The following ALDH1A2 variants were observed in gnomAD, a reference collection of about 807,000 sequenced individuals.
ALDH1A2 encodes the protein retinal dehydrogenase 2.
A neutral mutation model predicts 60.3 loss-of-function variants in ALDH1A2; 27 were observed. The observed-to-expected ratio is 0.45, with a 90% CI of 0.33 to 0.62. The LOEUF (loss-of-function observed/expected upper bound fraction) is 0.62, where lower values mean the gene tolerates loss of function less well. ALDH1A2 is among the 20% of genes least tolerant of loss of function. The pLI is 0.02. For synonymous variants in ALDH1A2, 289 were observed against 232.4 expected (o/e 1.24, Z -2.21); for missense variants, 581 against 643.8 (o/e 0.90, Z 1.06).
At chr15:58,022,287 G>C (rs1213643075) in intron 1 of ALDH1A2, among the ~76,000 whole-genome samples, 1 of 152,110 alleles carries the variant, frequency 6.6e-6, no homozygotes, top group Non-Finnish European at 1.5e-5. Context: ...ATTCCGTACA[G>C]GGTACTGAGG....
At chr15:57,995,045 A>G in intron 5 of ALDH1A2, 33 bp downstream of exon 5, 2 of 1,579,978 alleles carry the variant, frequency 1.3e-6, no homozygotes, top group Non-Finnish European at 8.7e-7. Context: ...GGTCAAATGA[A>G]AATAAATACG....
intron 7 of ALDH1A2, among the ~76,000 whole-genome samples, chr15:57,986,591 A>C (rs1894709416): frequency 7.3e-6 from 1 of 136,502 alleles, no homozygotes; most frequent in Admixed American, 7.2e-5. Flanking sequence ...AAAAAAAAAA[A>C]AAGGACCCAT....
chr15:58,040,288 C>T (rs1195691784), intron 1 of ALDH1A2, among the ~76,000 whole-genome samples: 4 of 151,872 alleles, frequency 2.6e-5, no homozygotes, highest in African/African-American at 7.2e-5. Context: ...TTGATAAGTA[C>T]ATTCTTTCTC....
intron 7 of ALDH1A2, among the ~76,000 whole-genome samples, chr15:57,973,802 CAGAG>C (rs1184207222): frequency 1.3e-5 from 2 of 152,172 alleles, no homozygotes; most frequent in Admixed American, 1.3e-4. Flanking sequence ...AGCCTCTCTA[CAGAG>C]AGAGAAGAAT....
chr15:58,053,028 T>C (rs924936429), intron 1 of ALDH1A2, among the ~76,000 whole-genome samples: 3 of 152,166 alleles, frequency 2.0e-5, no homozygotes, highest in Admixed American at 1.3e-4. Flanking sequence ...CATTTATTCA[T>C]TCATCAAACA....
intron 11 of ALDH1A2, 38 bp downstream of exon 11, chr15:57,961,099 A>G (rs112205455): frequency 6.2e-7 from 1 of 1,611,464 alleles, no homozygotes; most frequent in East Asian, 2.2e-5. Context: ...TCCCTATACC[A>G]CCAGTGGAAT....
At chr15:57,997,225 T>G (rs1469508136) in intron 4 of ALDH1A2, among the ~76,000 whole-genome samples, 1 of 152,088 alleles carries the variant, frequency 6.6e-6, no homozygotes, top group Admixed American at 6.6e-5. Context: ...TAGCTTTGTA[T>G]GCAGATAACT....
At chr15:57,957,223 T>A (rs1370688014) in intron 12 of ALDH1A2, among the ~76,000 whole-genome samples, 1 of 152,044 alleles carries the variant, frequency 6.6e-6, no homozygotes, top group Admixed American at 6.6e-5. Flanking sequence ...GCCAGCTGAG[T>A]CACTGTCATC....
At chr15:58,031,075 C>T (rs1896227599) in intron 1 of ALDH1A2, among the ~76,000 whole-genome samples, 1 of 152,124 alleles carries the variant, frequency 6.6e-6, no homozygotes, top group South Asian at 2.1e-4. Flanking sequence ...CCACTACGAT[C>T]CTAAGCAAAA....
intron 7 of ALDH1A2, among the ~76,000 whole-genome samples, chr15:57,973,247 ATATT>A (rs749277595): frequency 6.6e-6 from 1 of 152,202 alleles, no homozygotes; most frequent in South Asian, 2.1e-4. Flanking sequence ...GAGCTCTTTT[ATATT>A]TATTAAATAT....
chr15:58,013,793 GA>G, intron 3 of ALDH1A2, 64 bp downstream of exon 3: 7 of 1,588,354 alleles, frequency 4.4e-6, no homozygotes, highest in Admixed American at 1.7e-5. Flanking sequence ...TACAGCCGAA[GA>G]ATGTAAATTT....
chr15:58,027,989 A>G (rs568649146), intron 1 of ALDH1A2, among the ~76,000 whole-genome samples: 109 of 152,312 alleles, frequency 7.2e-4, no homozygotes, highest in African/African-American at 2.6e-3. Flanking sequence ...GACATTATCC[A>G]GGAGAACTTC....
chr15:58,000,813 C>T (rs900736724), intron 4 of ALDH1A2, among the ~76,000 whole-genome samples: 1 of 151,840 alleles, frequency 6.6e-6, no homozygotes, highest in Admixed American at 6.6e-5. Flanking sequence ...TACATGCTCT[C>T]AGCTGAGGCT....
intron 5 of ALDH1A2, 48 bp downstream of exon 5, chr15:57,995,030 A>T (rs372661426): frequency 5.4e-5 from 83 of 1,528,900 alleles, no homozygotes; most frequent in Non-Finnish European, 7.5e-5. Context: ...TCTTTAAGAG[A>T]ACTGGGTCAA....
intron 9 of ALDH1A2, among the ~76,000 whole-genome samples, chr15:57,962,743 G>A (rs919511715): frequency 2.6e-5 from 4 of 151,826 alleles, no homozygotes; most frequent in South Asian, 2.1e-4. Context: ...AAAAACTGAC[G>A]GAGTTATCAT....
chr15:58,015,358 G>C (rs1268433953), intron 1 of ALDH1A2, among the ~76,000 whole-genome samples: 4 of 152,116 alleles, frequency 2.6e-5, no homozygotes. Flanking sequence ...TCCTTGATTT[G>C]ATAAAAACTA....
At chr15:57,984,934 A>G (rs1894645935) in intron 7 of ALDH1A2, among the ~76,000 whole-genome samples, 1 of 152,156 alleles carries the variant, frequency 6.6e-6, no homozygotes. Flanking sequence ...ATTTTTTTAC[A>G]TATATAAAAC....
chr15:57,997,506 T>C (rs759495514), intron 4 of ALDH1A2, among the ~76,000 whole-genome samples: 21 of 151,524 alleles, frequency 1.4e-4, no homozygotes, highest in Non-Finnish European at 2.5e-4. Context: ...AACAGAAGAG[T>C]ACACGTGTTT....
chr15:57,980,052 G>A (rs549192361), intron 7 of ALDH1A2: 7 of 317,282 alleles, frequency 2.2e-5, no homozygotes, highest in East Asian at 8.6e-5. Flanking sequence ...CCATGGGGGG[G>A]CAGGATGTGA....
Sources: allele counts gnomAD v4.1 joint callset (sites outside exome capture counted in the v4.1 genomes callset), GRCh38; gene constraint gnomAD v4.1.1; transcripts MANE v1.5; gene names NCBI Gene and HGNC (gene_info 2026-07-23, HGNC 2026-07-21).